STK31: variants seen among roughly 807,000 people sequenced by gnomAD.
STK31 encodes the protein serine/threonine kinase 31.
In STK31, 89 loss-of-function variants were observed where a neutral mutation model predicts 129.7. The observed-to-expected ratio is 0.69, with a 90% confidence interval of 0.58 to 0.82. The LOEUF (loss-of-function observed/expected upper bound fraction) is 0.82. Among genes scored for constraint, STK31 ranks in the 40% least tolerant of loss-of-function variants. The pLI, the probability that STK31 is intolerant of heterozygous loss-of-function variation, is 0.00. For missense variants in STK31, 1,187 were observed against 1,176.4 expected, an observed-to-expected ratio of 1.01 and a Z score of -0.13; for synonymous variants, 448 against 395.3, an observed-to-expected ratio of 1.13 and a Z score of -1.58.
intron 14 of STK31, chr7:23,771,871 C>A: frequency 5.3e-6 from 1 of 187,628 alleles, no homozygotes. Context: ...CCTTTTTCAT[C>A]CATACTAACA....
chr7:23,719,234 A>G (rs1351239323), intron 4 of STK31, among the ~76,000 whole-genome samples: 5 of 152,130 alleles, frequency 3.3e-5, no homozygotes, highest in Admixed American at 2.0e-4. Flanking sequence ...TTAAAAAATA[A>G]AAGATATATT....
chr7:23,737,007 G>C lies in STK31; in HGVS notation c.946G>C (p.Glu316Gln), dbSNP rs542161321. ...TGAAGAAAATGAAAAACTTAAAACA[G>C]AGAAGGACGCTCTTCTTGAAAGTTA... ...LIEENEKLKTEKDALLESYKA... is the reference protein window; with the variant it reads ...LIEENEKLKTQKDALLESYKA... The change falls in exon 8 of 24, where the codon GAG becomes CAG. Residue 316 changes from glutamate to glutamine, a missense_variant. Coordinates refer to ENST00000355870, the MANE Select transcript of STK31 (RefSeq NM_031414.5). 24 of 1,613,254 alleles carry C rather than the reference G, an allele frequency of 1.5e-5. No homozygotes were observed. In the South Asian group the frequency reaches 2.4e-4, roughly 16 times the overall value.
intron 15 of STK31, 22 bp from the exon 16 acceptor site, chr7:23,781,397 C>T: frequency 6.4e-7 from 1 of 1,562,994 alleles, no homozygotes; most frequent in South Asian, 1.2e-5. Flanking sequence ...TAATAAAAAA[C>T]ACTTTTTCTT....
chr7:23,729,280 A>T, intron 6 of STK31, 31 bp downstream of exon 6: 1 of 1,552,664 alleles, frequency 6.4e-7, no homozygotes, highest in South Asian at 1.2e-5. Context: ...ATTTTTGCTA[A>T]TGAAAGTAAA....
intron 23 of STK31, among the ~76,000 whole-genome samples, chr7:23,815,854 G>T (rs944217669): frequency 3.3e-5 from 5 of 150,730 alleles, no homozygotes; most frequent in African/African-American, 9.7e-5. Flanking sequence ...CTGATTTTTA[G>T]TTCTGCAAAG....
At chr7:23,724,713 A>G (rs1430663140) in intron 4 of STK31, among the ~76,000 whole-genome samples, 3 of 152,236 alleles carry the variant, frequency 2.0e-5, no homozygotes, top group African/African-American at 7.2e-5. Context: ...TCTTCTTACC[A>G]GGGTTGAGAG....
intron 23 of STK31, among the ~76,000 whole-genome samples, chr7:23,817,194 A>G (rs1273025522): frequency 1.3e-5 from 2 of 152,020 alleles, no homozygotes; most frequent in Non-Finnish European, 2.9e-5. Flanking sequence ...TCTCAAAAAA[A>G]AAAAAATAAT....
At chr7:23,739,391 A>G (rs533153585) in intron 8 of STK31, among the ~76,000 whole-genome samples, 1 of 152,292 alleles carries the variant, frequency 6.6e-6, no homozygotes, top group East Asian at 1.9e-4. Flanking sequence ...TCAGATGGAC[A>G]GATTGCAAAA....
intron 22 of STK31, among the ~76,000 whole-genome samples, chr7:23,797,787 CA>C (rs35736405): frequency 0.2 from 30,151 of 152,028 alleles, 3,249 homozygotes; most frequent in Admixed American, 0.29. Context: ...GAGCTGGAGA[CA>C]TGAAAAACCC....
intron 3 of STK31, among the ~76,000 whole-genome samples, chr7:23,717,211 TA>T (rs745875557): frequency 5.2e-4 from 78 of 149,328 alleles, no homozygotes; most frequent in Non-Finnish European, 1.0e-3. Context: ...AATCAATCTT[TA>T]AGGAATCCTT....
intron 23 of STK31, among the ~76,000 whole-genome samples, chr7:23,821,576 A>G (rs1385026426): frequency 1.3e-5 from 2 of 152,044 alleles, no homozygotes; most frequent in Non-Finnish European, 2.9e-5. Context: ...ATAGTTTGCA[A>G]ATTTTTCCTT....
chr7:23,828,759 A>G (rs954648453), intron 23 of STK31, among the ~76,000 whole-genome samples: 1 of 151,850 alleles, frequency 6.6e-6, no homozygotes, highest in Non-Finnish European at 1.5e-5. Flanking sequence ...GTTCTTTTTC[A>G]ATTTGGATTC....
At chr7:23,718,555 C>A (rs1786495112) in intron 4 of STK31, among the ~76,000 whole-genome samples, 1 of 152,068 alleles carries the variant, frequency 6.6e-6, no homozygotes, top group South Asian at 2.1e-4. Context: ...ATACTATCAC[C>A]ATAGATTCGT....
intron 21 of STK31, among the ~76,000 whole-genome samples, chr7:23,790,149 A>G (rs1791531775): frequency 2.0e-5 from 3 of 152,198 alleles, no homozygotes; most frequent in Non-Finnish European, 4.4e-5. Context: ...TCGTAGCTAG[A>G]AAAAAGATAG....
intron 8 of STK31, 33 bp from the exon 9 acceptor site, chr7:23,752,684 G>A (rs537190491): frequency 2.1e-6 from 3 of 1,463,250 alleles, no homozygotes; most frequent in Non-Finnish European, 1.9e-6. Context: ...TCCTATTTGG[G>A]TCTCACGAGA....
chr7:23,721,580 C>G (rs897888550), intron 4 of STK31: 3 of 938,662 alleles, frequency 3.2e-6, no homozygotes, highest in African/African-American at 1.6e-5. Context: ...TTGCGGAATC[C>G]CCTTGGCCTG....
At chr7:23,759,844 C>T (rs79644602) in intron 10 of STK31, among the ~76,000 whole-genome samples, 4 of 152,038 alleles carry the variant, frequency 2.6e-5, no homozygotes, top group African/African-American at 7.2e-5. Flanking sequence ...CTTGAGGGAC[C>T]CTGGAAGCTA....
At chr7:23,797,665 A>C (rs1792060545) in intron 22 of STK31, among the ~76,000 whole-genome samples, 2 of 152,212 alleles carry the variant, frequency 1.3e-5, no homozygotes, top group African/African-American at 4.8e-5. Context: ...AGCGGGAAAG[A>C]TCTAAAATCG....
intron 23 of STK31, among the ~76,000 whole-genome samples, chr7:23,829,562 C>T (rs944578932): frequency 1.3e-5 from 2 of 152,124 alleles, no homozygotes; most frequent in African/African-American, 2.4e-5. Context: ...CATCTGTGTT[C>T]ATCAGGGATA....
Sources: gnomAD v4.1 joint callset for allele counts (sites outside exome capture counted in the v4.1 genomes callset) on GRCh38, gnomAD v4.1.1 for gene constraint, MANE v1.5 for transcripts, NCBI Gene and HGNC (gene_info 2026-07-23, HGNC 2026-07-21) for gene names.